METTL16: variants seen among roughly 807,000 people sequenced by gnomAD.
METTL16 encodes RNA N(6)-adenosine-methyltransferase METTL16.
Under a neutral mutation model 57.9 loss-of-function variants are expected in METTL16, and 19 were observed. The ratio of observed to expected loss-of-function variants is 0.33; its 90% CI spans 0.23 to 0.48. The LOEUF is 0.48. METTL16 is among the 20% of genes least tolerant of loss of function. The pLI, the probability that METTL16 is intolerant of heterozygous loss-of-function variation, is 0.99. For synonymous variants in METTL16, 246 were observed against 255.6 expected, an observed-to-expected ratio of 0.96 and a Z score of 0.36; for missense variants, 434 against 691.5, an observed-to-expected ratio of 0.63 and a Z score of 4.18.
intron 8 of METTL16, among the ~76,000 whole-genome samples, chr17:2,422,867 C>T (rs1027037935): frequency 2.0e-5 from 3 of 152,036 alleles, no homozygotes; most frequent in Non-Finnish European, 1.5e-5. Context: ...CCTGTAATTC[C>T]AGCTACTCGG....
intron 6 of METTL16, among the ~76,000 whole-genome samples, chr17:2,447,309 G>A (rs1010455230): frequency 7.7e-5 from 11 of 141,966 alleles, no homozygotes; most frequent in African/African-American, 2.4e-4. Flanking sequence ...CTGCCCGGCC[G>A]CCCCGTCTGA....
intron 3 of METTL16, among the ~76,000 whole-genome samples, chr17:2,477,062 C>T (rs563974953): frequency 1.3e-5 from 2 of 152,082 alleles, no homozygotes; most frequent in East Asian, 3.9e-4. Flanking sequence ...CTAAATAGGG[C>T]CAGGCGTAGT....
At chr17:2,477,571 T>A in intron 3 of METTL16, 115 bp downstream of exon 3, 2 of 767,218 alleles carry the variant, frequency 2.6e-6, no homozygotes, top group Non-Finnish European at 4.3e-6. Context: ...AACCTGTATC[T>A]GTAGCCAGCT....
chr17:2,446,815 G>GT (rs1452462126), intron 6 of METTL16, among the ~76,000 whole-genome samples: 1 of 152,128 alleles, frequency 6.6e-6, no homozygotes, highest in East Asian at 1.9e-4. Context: ...GCTCCTAGCC[G>GT]TGAGTGATCC....
At chr17:2,502,179 C>T in intron 2 of METTL16, 25 bp downstream of exon 2, 1 of 1,608,286 alleles carries the variant, frequency 6.2e-7, no homozygotes, top group African/African-American at 1.3e-5. Context: ...ACAAGAATAA[C>T]AGTGATTTTT....
At chr17:2,490,205 G>A (rs137870670) in intron 2 of METTL16, among the ~76,000 whole-genome samples, 1 of 152,180 alleles carries the variant, frequency 6.6e-6, no homozygotes, top group African/African-American at 2.4e-5. Context: ...TCACATTTCT[G>A]TATTATCTAA....
intron 6 of METTL16, among the ~76,000 whole-genome samples, chr17:2,461,010 A>T (rs979412186): frequency 6.6e-6 from 1 of 151,948 alleles, no homozygotes; most frequent in Admixed American, 6.6e-5. Context: ...CTCAATGCTC[A>T]GTATAATTTT....
Position 2,420,992 on chromosome 17 carries a change from CACA to C in METTL16, c.889-91_889-89del. 2.1e-6 allele frequency: 3 copies of C among 1,420,460 alleles called. No individual in the cohort carries two copies. The highest frequency in any genetic ancestry group is 2.9e-6 in the Non-Finnish European group (3 of 1,034,682). 88.0% of individuals were successfully genotyped at this position (1,420,460 alleles called of 1,614,324 possible). ...TTGTAATGAACTCAGAGAAAATTTC[CACA>C]ACTTCTGCTACCAATCATAGAGCAC... On this transcript the variant is annotated intron_variant, in intron 8 of 9. Coordinates refer to ENST00000263092, the MANE Select transcript of METTL16 (RefSeq NM_024086.4). This position sits in a 1 kb window ranked among gnomAD's most constrained non-coding sequence, Gnocchi z 5.4.
At chr17:2,502,713 A>G (rs570727589) in intron 1 of METTL16, among the ~76,000 whole-genome samples, 1 of 152,214 alleles carries the variant, frequency 6.6e-6, no homozygotes, top group Admixed American at 6.5e-5. Flanking sequence ...CAGTGGGGAA[A>G]GCTGTGGATG....
At chr17:2,509,245 AT>A (rs1447602334) in intron 1 of METTL16, among the ~76,000 whole-genome samples, 1 of 152,244 alleles carries the variant, frequency 6.6e-6, no homozygotes, top group Non-Finnish European at 1.5e-5. Context: ...TGAGTAAACA[AT>A]TCAGAATTTG....
intron 1 of METTL16, among the ~76,000 whole-genome samples, chr17:2,507,716 C>T (rs1005372235): frequency 2.0e-5 from 3 of 152,188 alleles, no homozygotes; most frequent in African/African-American, 7.2e-5. Context: ...ATTGAGAAAT[C>T]GGATGGTTGC....
At chr17:2,446,251 C>G (rs994835029) in intron 6 of METTL16, among the ~76,000 whole-genome samples, 3 of 152,134 alleles carry the variant, frequency 2.0e-5, no homozygotes, top group Non-Finnish European at 2.9e-5. Flanking sequence ...GCAAGATGGC[C>G]ACTCTTCACC....
chr17:2,432,867 G>C (rs1377645227), intron 8 of METTL16, among the ~76,000 whole-genome samples: 2 of 152,164 alleles, frequency 1.3e-5, no homozygotes, highest in African/African-American at 4.8e-5. Context: ...AACCCTATGT[G>C]GTAGATACTA....
chr17:2,425,895 C>T (rs1359801948), intron 8 of METTL16, among the ~76,000 whole-genome samples: 4 of 152,062 alleles, frequency 2.6e-5, no homozygotes, highest in African/African-American at 7.2e-5. Context: ...CCATGTCGCC[C>T]AGACTGGTAC....
chr17:2,474,042 C>G (rs868535716), intron 3 of METTL16, among the ~76,000 whole-genome samples: 2 of 152,074 alleles, frequency 1.3e-5, no homozygotes, highest in African/African-American at 2.4e-5. Context: ...GATCCAACTT[C>G]CTAAAGGATC....
intron 5 of METTL16, among the ~76,000 whole-genome samples, chr17:2,466,343 C>G (rs192049342): frequency 6.6e-6 from 1 of 152,192 alleles, no homozygotes; most frequent in African/African-American, 2.4e-5. Context: ...AAAAAGCTCT[C>G]TCCTCACCCT....
chr17:2,460,413 C>T (rs1026190130), intron 6 of METTL16: 3 of 152,132 alleles, frequency 2.0e-5, no homozygotes, highest in African/African-American at 7.2e-5. Context: ...CATACTGAGT[C>T]CATTTCTACC....
At chr17:2,491,131 A>C (rs1319123969) in intron 2 of METTL16, among the ~76,000 whole-genome samples, 2 of 152,194 alleles carry the variant, frequency 1.3e-5, no homozygotes, top group Admixed American at 6.5e-5. Context: ...CATTCAAAAA[A>C]CCTGAACACA....
intron 8 of METTL16, among the ~76,000 whole-genome samples, chr17:2,421,737 G>A (rs567089763): frequency 1.3e-5 from 2 of 152,256 alleles, no homozygotes; most frequent in African/African-American, 4.8e-5. Context: ...TAAAGCAGCC[G>A]GTGAACCACA....
Sources: allele counts gnomAD v4.1 joint callset (sites outside exome capture counted in the v4.1 genomes callset), GRCh38; gene constraint gnomAD v4.1.1; non-coding constraint Gnocchi (gnomAD v3.1); transcripts MANE v1.5; gene names NCBI Gene and HGNC (gene_info 2026-07-23, HGNC 2026-07-21).